Variants in DNAH6 observed in about 807,000 individuals in gnomAD.
The protein encoded by DNAH6 is dynein axonemal heavy chain 6, also known as axonemal beta dynein heavy chain 6.
Under a neutral mutation model 491.4 loss-of-function variants are expected in DNAH6, and 340 were observed. The observed-to-expected ratio is 0.69, with a 90% confidence interval of 0.63 to 0.76. DNAH6 has a LOEUF of 0.76. Ranked by LOEUF, DNAH6 falls within the 30% of genes least tolerant of loss-of-function variation. The probability of loss-of-function intolerance (pLI) is 0.00; values close to 1 mark genes in which losing one functional copy is unlikely to be tolerated. For synonymous variants in DNAH6, 1,603 were observed against 1,686.1 expected, an observed-to-expected ratio of 0.95 and a Z score of 1.21; for missense variants, 4,443 against 4,972.2, an observed-to-expected ratio of 0.89 and a Z score of 3.20.
rs545376202 is a variant in DNAH6 at position 84,763,043 on chromosome 2, T to A, written c.10703+98T>A. ...CTTCCCCTTGTAGAGCATAAATTCT[T>A]ACATTCAGGTATCACTTACTACATA... On this transcript the variant is annotated intron_variant, in intron 64 of 76. Transcript: ENST00000389394. 1.3e-5 allele frequency: 11 copies of A among 842,136 alleles called. No homozygotes were observed. In the African/African-American group the frequency reaches 1.7e-4, roughly 13 times the overall value. 52.2% of individuals were successfully genotyped at this position (842,136 alleles called of 1,614,324 possible).
At chr2:84,669,808 A>G (rs1456768168) in intron 38 of DNAH6, among the ~76,000 whole-genome samples, 4 of 152,142 alleles carry the variant, frequency 2.6e-5, no homozygotes, top group East Asian at 1.9e-4. Flanking sequence ...CACTGGTTGG[A>G]TAAGAATTGG....
chr2:84,717,623 G>A (rs1272995236), intron 58 of DNAH6, among the ~76,000 whole-genome samples: 3 of 152,216 alleles, frequency 2.0e-5, no homozygotes, highest in Non-Finnish European at 1.5e-5. Context: ...TTAGCAGGGT[G>A]CATTGCATAG....
chr2:84,576,576 A>G (rs1435802907), intron 12 of DNAH6, among the ~76,000 whole-genome samples: 1 of 152,140 alleles, frequency 6.6e-6, no homozygotes, highest in African/African-American at 2.4e-5. Flanking sequence ...ATTTTGAAAG[A>G]CAAGCAGAGA....
chr2:84,547,391 C>T lies in DNAH6; in HGVS notation c.1054C>T (p.Arg352Trp), dbSNP rs1002880052. ...GGAATTTAAGGCCGCACAAGTCATACGGCTAGCAGAGGTAACAAATTTTGT... is the reference window on the plus strand; with the variant it reads ...GGAATTTAAGGCCGCACAAGTCATATGGCTAGCAGAGGTAACAAATTTTGT... ...LQEFKAAQVI[R>W]LAEVTERLGE... is the part of the protein sequence containing the mutation. Residue 352 changes from arginine (R) to tryptophan (W), a missense_variant, in exon 6 of 77, where the codon CGG becomes TGG. Physicochemically the swap from Arg to Trp is moderately radical, Grantham distance 101. This residue lies in a region of DNAH6 where 2,977 missense variants were observed against 3,296.6 expected (regional missense o/e 0.90). Coordinates refer to ENST00000389394, the MANE Select transcript of DNAH6 (RefSeq NM_001370.2). 1.2e-5 allele frequency: 19 copies of T among 1,551,526 alleles called. No individual in the cohort carries two copies. The highest frequency in any genetic ancestry group is 1.7e-4 in the Middle Eastern group (1 of 6,004).
the DNAH6 span, among the ~76,000 whole-genome samples, chr2:84,496,971 CTTT>C: frequency 0.75 from 91,083 of 122,026 alleles, 34,567 homozygotes; most frequent in East Asian, 0.85. Context: ...AATATGTACT[CTTT>C]TTTTTTTTTT....
At chr2:84,780,132 A>G (rs999091147) in intron 64 of DNAH6, among the ~76,000 whole-genome samples, 5 of 151,972 alleles carry the variant, frequency 3.3e-5, no homozygotes, top group African/African-American at 9.7e-5. Flanking sequence ...GTCATCTTAT[A>G]TAGTATCTCC....
At chr2:84,576,285 A>G (rs564594724) in intron 12 of DNAH6, among the ~76,000 whole-genome samples, 1 of 152,278 alleles carries the variant, frequency 6.6e-6, no homozygotes, top group Admixed American at 6.5e-5. Flanking sequence ...GGAAAGACTA[A>G]GTAACTTTCC....
chr2:84,579,937 A>G (rs1187952624), intron 14 of DNAH6, among the ~76,000 whole-genome samples: 1 of 152,200 alleles, frequency 6.6e-6, no homozygotes, highest in Non-Finnish European at 1.5e-5. Context: ...AAAAGTGTTG[A>G]TATTTATCCT....
At chr2:84,699,407 A>G (rs115807053) in intron 47 of DNAH6, among the ~76,000 whole-genome samples, 187 bp from the exon 48 acceptor site, 2,982 of 152,294 alleles carry the variant, frequency 0.02, 40 homozygotes, top group Non-Finnish European at 0.029. Flanking sequence ...GCAAAATGTC[A>G]TTTTTAATCT....
At chr2:84,483,593 C>G in the DNAH6 span, among the ~76,000 whole-genome samples, 1 of 151,986 alleles carries the variant, frequency 6.6e-6, no homozygotes, top group Non-Finnish European at 1.5e-5. Context: ...CCCTACTCCC[C>G]CACCTCCCCG....
chr2:84,568,204 C>T (rs1681413389), intron 11 of DNAH6, among the ~76,000 whole-genome samples: 1 of 151,920 alleles, frequency 6.6e-6, no homozygotes, highest in South Asian at 2.1e-4. Flanking sequence ...ACCATCTGAC[C>T]CAGAAATCTC....
Position 84,659,018 on chromosome 2 carries a change from T to C in DNAH6, c.5941-8T>C. On this transcript the variant is annotated splice_region_variant and splice_polypyrimidine_tract_variant and intron_variant, in intron 36 of 76. Coordinates refer to ENST00000389394, the MANE Select transcript of DNAH6 (RefSeq NM_001370.2). ...AAATATTAAGTCTGTTTCTCTTTAT[T>C]CTTTCAGGAACAAACAAAATTGAAC... The C allele has an allele frequency of 7.2e-7, 1 of 1,380,484 alleles. No individual in the cohort carries two copies. The highest frequency in any genetic ancestry group is 2.6e-5 in the East Asian group (1 of 38,764). 85.5% of individuals were successfully genotyped at this position (1,380,484 alleles called of 1,614,324 possible).
chr2:84,786,734 T>C (rs1022077699), intron 67 of DNAH6, among the ~76,000 whole-genome samples: 1 of 152,108 alleles, frequency 6.6e-6, no homozygotes, highest in African/African-American at 2.4e-5. Context: ...AAAAATATGA[T>C]TCTGTGTGTG....
At chr2:84,462,823 G>A in the DNAH6 span, among the ~76,000 whole-genome samples, 2 of 152,196 alleles carry the variant, frequency 1.3e-5, no homozygotes. Flanking sequence ...CAGGAAGCTA[G>A]CTGGAGCAGT....
rs947610872 is a variant in DNAH6, at chr2:84,787,398, G to C, written c.11239+96G>C. 3.5e-6 allele frequency: 3 copies of C among 859,536 alleles called. No homozygotes were observed. In the African/African-American group the frequency reaches 5.4e-5, roughly 15 times the overall value. The allele number at this position is 859,536 out of a possible 1,614,324, so 53.2% of individuals were successfully genotyped here. A position where few individuals can be genotyped will look rare whatever the true frequency, so the allele number is the denominator to read the frequency against. On this transcript the variant is annotated intron_variant, in intron 68 of 76. Coordinates refer to ENST00000389394, the MANE Select transcript of DNAH6 (RefSeq NM_001370.2). ...CTTACAAAGATGGTGTCCTCCCCCA[G>C]TGTTTAATGGTGGTGATGATGATAT... is the stretch of plus-strand genomic sequence containing the variant.
chr2:84,672,230 T>C, intron 39 of DNAH6, 97 bp from the exon 40 acceptor site: 3 of 1,242,718 alleles, frequency 2.4e-6, no homozygotes, highest in South Asian at 1.5e-5. Context: ...TTATGACCTG[T>C]AGGATGTCAT....
Position 84,708,907 on chromosome 2 carries a change from C to T in DNAH6, c.9049-436C>T, listed in dbSNP as rs561817865. Among the ~76,000 whole-genome samples the T allele has an allele frequency of 1.2e-4, 18 of 152,316 alleles. No homozygotes were observed. In the South Asian group the frequency reaches 3.5e-3, roughly 30 times the overall value. Reference sequence around the variant, plus strand: ...TGGGGACAGACAGCTCTCTCTTCTGCATGACTGCACCACTCATTGAAGGAG... The same window carrying T: ...TGGGGACAGACAGCTCTCTCTTCTGTATGACTGCACCACTCATTGAAGGAG... On this transcript the variant is annotated intron_variant, in intron 54 of 76. Coordinates refer to ENST00000389394, the MANE Select transcript of DNAH6 (RefSeq NM_001370.2).
At chr2:84,506,162 T>G in the DNAH6 span, among the ~76,000 whole-genome samples, 3 of 152,210 alleles carry the variant, frequency 2.0e-5, no homozygotes, top group Non-Finnish European at 4.4e-5. Context: ...TGAACTAGTT[T>G]GCAGTCCCAC....
At chr2:84,473,718 AC>A in the DNAH6 span, among the ~76,000 whole-genome samples, 1 of 152,144 alleles carries the variant, frequency 6.6e-6, no homozygotes, top group Non-Finnish European at 1.5e-5. Context: ...TTGAATTTGA[AC>A]CTTTTGAGGC....
Sources: allele counts gnomAD v4.1 joint callset (sites outside exome capture counted in the v4.1 genomes callset), GRCh38; gene constraint gnomAD v4.1.1; regional missense constraint gnomAD v4.1.1; transcripts MANE v1.5; gene names NCBI Gene and HGNC (gene_info 2026-07-23, HGNC 2026-07-21).